CDH12: variants seen among roughly 807,000 people sequenced by gnomAD.
CDH12 encodes the protein cadherin-12.
A neutral mutation model predicts 74.1 loss-of-function variants in CDH12; 41 were observed. The observed-to-expected ratio is 0.55, with a 90% CI of 0.43 to 0.72. The LOEUF (loss-of-function observed/expected upper bound fraction) is 0.72, where lower values mean the gene tolerates loss of function less well. Among genes scored for constraint, CDH12 ranks in the 30% least tolerant of loss-of-function variants. The probability of loss-of-function intolerance (pLI) is 0.00; values close to 1 mark genes in which losing one functional copy is unlikely to be tolerated. For missense variants in CDH12, 945 were observed against 977.2 expected, an observed-to-expected ratio of 0.97 and a Z score of 0.44; for synonymous variants, 399 against 355.0, an observed-to-expected ratio of 1.12 and a Z score of -1.39.
At chr5:22,346,411 T>G (rs1422835104) in intron 3 of CDH12, among the ~76,000 whole-genome samples, 9 of 152,180 alleles carry the variant, frequency 5.9e-5, no homozygotes, top group Admixed American at 5.9e-4. Flanking sequence ...TCTACTTCCC[T>G]AATTGGTTCA....
intron 1 of CDH12, among the ~76,000 whole-genome samples, chr5:22,623,947 G>A (rs1738127914): frequency 6.6e-6 from 1 of 152,126 alleles, no homozygotes; most frequent in Non-Finnish European, 1.5e-5. Flanking sequence ...AAACAGCATG[G>A]TACTGGTACC....
At position 22,343,313 on chromosome 5, in the gene CDH12, G is replaced by GAC. The variant is rs1341257265; in HGVS notation, c.-333+61942_-333+61943dup. Reference sequence around the variant, plus strand: ...ACACACACACACACACACACACACAGACACACACACAGAGAGAGAGAGAGA... The same window carrying GAC: ...ACACACACACACACACACACACACAGACACACACACACAGAGAGAGAGAGAGA... On this transcript the variant is annotated intron_variant, in intron 3 of 14. Coordinates refer to ENST00000382254, the MANE Select transcript of CDH12 (RefSeq NM_004061.5). Among the ~76,000 whole-genome samples the GAC allele has an allele frequency of 9.1e-3, 533 of 58,338 alleles. 9 individuals carry two copies. The highest frequency in any genetic ancestry group is 0.025 in the African/African-American group (467 of 18,526). The allele number at this position is 58,338 out of a possible 152,430, so 38.3% of individuals were successfully genotyped here.
At chr5:22,760,992 C>T (rs1251332290) in intron 1 of CDH12, among the ~76,000 whole-genome samples, 1 of 152,164 alleles carries the variant, frequency 6.6e-6, no homozygotes, top group East Asian at 1.9e-4. Flanking sequence ...ATGCAAATAT[C>T]AGTTGTTTGA....
chr5:22,519,103 T>G (rs1272505844), intron 1 of CDH12, among the ~76,000 whole-genome samples: 1 of 152,144 alleles, frequency 6.6e-6, no homozygotes, highest in African/African-American at 2.4e-5. Context: ...CTAGGACTCA[T>G]GTCAGACCAG....
At chr5:22,315,869 G>C (rs1738611681) in intron 3 of CDH12, among the ~76,000 whole-genome samples, 2 of 152,100 alleles carry the variant, frequency 1.3e-5, no homozygotes, top group Admixed American at 1.3e-4. Context: ...CTCTGTGAAG[G>C]AGGTTTTGAA....
At chr5:22,032,868 A>C (rs1738918437) in intron 5 of CDH12, among the ~76,000 whole-genome samples, 1 of 151,014 alleles carries the variant, frequency 6.6e-6, no homozygotes. Context: ...CCAGTGCAGA[A>C]TGCTGAACTT....
intron 3 of CDH12, among the ~76,000 whole-genome samples, chr5:22,262,039 T>C (rs996157279): frequency 2.0e-5 from 3 of 152,074 alleles, no homozygotes; most frequent in Non-Finnish European, 4.4e-5. Flanking sequence ...TTTTATGTAA[T>C]ATTGAAATTA....
intron 1 of CDH12, among the ~76,000 whole-genome samples, chr5:22,613,746 A>G (rs954441189): frequency 3.3e-5 from 5 of 152,112 alleles, no homozygotes; most frequent in Non-Finnish European, 5.9e-5. Flanking sequence ...TGAGTGATAT[A>G]GAGAAGCGAT....
At chr5:21,884,987 A>T (rs1165888950) in intron 6 of CDH12, among the ~76,000 whole-genome samples, 1 of 151,952 alleles carries the variant, frequency 6.6e-6, no homozygotes, top group Admixed American at 6.6e-5. Context: ...CCGGGTTCAA[A>T]CGATTCTCCT....
intron 3 of CDH12, among the ~76,000 whole-genome samples, chr5:22,344,201 C>T (rs1248886310): frequency 6.6e-6 from 1 of 152,202 alleles, no homozygotes; most frequent in East Asian, 1.9e-4. Flanking sequence ...AAATAGCTGA[C>T]TCATATATTT....
At position 21,752,066 on chromosome 5, in the gene CDH12, C is replaced by G. The variant is rs1468688747; in HGVS notation, c.2056G>C (p.Glu686Gln). The change falls in exon 15 of 15, where the codon GAG becomes CAG. Residue 686 changes from glutamate (E) to glutamine (Q), a missense_variant. By Grantham distance (29) the Glu-to-Gln change is conservative. Transcript: ENST00000382254. ...TTTATATCCCTGCGAATTTTGTTCTCCTCAATCACTTTTGGGTTTCTCAGA... is the reference window on the plus strand; with the variant it reads ...TTTATATCCCTGCGAATTTTGTTCTGCTCAATCACTTTTGGGTTTCTCAGA... Reference protein sequence around the residue: ...GALRNPKVIEENKIRRDIKPD... With the variant: ...GALRNPKVIEQNKIRRDIKPD... The G allele has an allele frequency of 1.2e-6, 2 of 1,613,940 alleles. No homozygotes were observed. Among genetic ancestry groups the G allele is most frequent in the Admixed American group, 3.3e-5 (2 of 59,948 alleles).
intron 3 of CDH12, among the ~76,000 whole-genome samples, chr5:22,265,615 T>C (rs1753676539): frequency 6.6e-6 from 1 of 152,116 alleles, no homozygotes; most frequent in Non-Finnish European, 1.5e-5. Context: ...TTAGAAGTCA[T>C]CAGTTGTAGA....
chr5:22,350,017 G>A (rs1208218843), intron 3 of CDH12, among the ~76,000 whole-genome samples: 1 of 152,208 alleles, frequency 6.6e-6, no homozygotes, highest in African/African-American at 2.4e-5. Flanking sequence ...TGTAACATAT[G>A]AGGACATAGA....
intron 1 of CDH12, among the ~76,000 whole-genome samples, chr5:22,759,215 A>T (rs1174963005): frequency 6.6e-6 from 1 of 152,092 alleles, no homozygotes. Flanking sequence ...AAAACAAAAA[A>T]AAACTTAGAT....
intron 1 of CDH12, among the ~76,000 whole-genome samples, chr5:22,786,642 A>G (rs1747639316): frequency 6.6e-6 from 1 of 152,212 alleles, no homozygotes. Context: ...TGACATCTTC[A>G]TTTGTGTAAT....
At chr5:22,157,164 T>C (rs201323314) in intron 4 of CDH12, among the ~76,000 whole-genome samples, 12,492 of 145,970 alleles carry the variant, frequency 0.086, 664 homozygotes, top group African/African-American at 0.15. Flanking sequence ...AATTTACATC[T>C]CCCTGACAGG....
At chr5:22,576,468 A>C (rs1739794066) in intron 1 of CDH12, among the ~76,000 whole-genome samples, 1 of 152,218 alleles carries the variant, frequency 6.6e-6, no homozygotes, top group Non-Finnish European at 1.5e-5. Flanking sequence ...TGAGATGAAT[A>C]AGAGGTATCC....
intron 1 of CDH12, among the ~76,000 whole-genome samples, chr5:22,548,097 A>C (rs986514447): frequency 6.6e-6 from 1 of 152,184 alleles, no homozygotes; most frequent in African/African-American, 2.4e-5. Context: ...AACACACTAA[A>C]AACATCTACT....
At chr5:22,162,646 C>T (rs1175254810) in intron 4 of CDH12, among the ~76,000 whole-genome samples, 1 of 152,008 alleles carries the variant, frequency 6.6e-6, no homozygotes, top group Non-Finnish European at 1.5e-5. Flanking sequence ...TTAAAAATAA[C>T]ATCATGCATA....
Sources: allele counts gnomAD v4.1 joint callset (sites outside exome capture counted in the v4.1 genomes callset), GRCh38; gene constraint gnomAD v4.1.1; transcripts MANE v1.5; gene names NCBI Gene and HGNC (gene_info 2026-07-23, HGNC 2026-07-21).